Variants in DCAF6 observed in about 807,000 individuals in gnomAD.
DCAF6 encodes the protein DDB1- and CUL4-associated factor 6.
A neutral mutation model predicts 125.1 loss-of-function variants in DCAF6; 54 were observed. The observed-to-expected ratio is 0.43, with a 90% CI of 0.35 to 0.54. The LOEUF (loss-of-function observed/expected upper bound fraction) is 0.54. Among genes scored for constraint, DCAF6 ranks in the 20% least tolerant of loss-of-function variants. DCAF6 has a pLI of 0.01. For missense variants in DCAF6, 934 were observed against 1,161.7 expected, an observed-to-expected ratio of 0.80 and a Z score of 2.85; for synonymous variants, 371 against 390.4, an observed-to-expected ratio of 0.95 and a Z score of 0.58.
At chr1:168,069,770 CA>C (rs1419547714) in intron 21 of DCAF6, among the ~76,000 whole-genome samples, 1 of 152,090 alleles carries the variant, frequency 6.6e-6, no homozygotes, top group Non-Finnish European at 1.5e-5. Flanking sequence ...GGAATGTAAA[CA>C]AAAAATGTTA....
chr1:167,896,264 A>G, the DCAF6 span, among the ~76,000 whole-genome samples: 2 of 152,232 alleles, frequency 1.3e-5, no homozygotes, highest in African/African-American at 4.8e-5. Context: ...ACATTTACAG[A>G]TTACTTTTCC....
At chr1:168,015,577 GTAGT>G (rs1684857054) in intron 10 of DCAF6, among the ~76,000 whole-genome samples, 200 bp from the exon 11 acceptor site, 1 of 151,864 alleles carries the variant, frequency 6.6e-6, no homozygotes, top group Non-Finnish European at 1.5e-5. Flanking sequence ...CTAATTCATC[GTAGT>G]TAAATAGAAG....
chr1:167,960,445 C>T (rs909310003), intron 2 of DCAF6, among the ~76,000 whole-genome samples: 10 of 152,020 alleles, frequency 6.6e-5, no homozygotes, highest in Admixed American at 4.6e-4. Flanking sequence ...ATTACAGGCA[C>T]GCGCCACCAT....
the DCAF6 span, among the ~76,000 whole-genome samples, chr1:167,895,755 T>G: frequency 1.2e-4 from 18 of 152,204 alleles, no homozygotes; most frequent in African/African-American, 4.3e-4. Flanking sequence ...AGTGTCTGCT[T>G]AAGTTTTGTG....
intron 21 of DCAF6, among the ~76,000 whole-genome samples, chr1:168,074,221 A>T (rs1035351214): frequency 3.9e-5 from 6 of 152,018 alleles, no homozygotes; most frequent in African/African-American, 1.2e-4. Flanking sequence ...GGTGCTGTTG[A>T]CCTAGGATCC....
chr1:168,043,244 A>G (rs1365138602), intron 14 of DCAF6, 104 bp downstream of exon 14: 2 of 887,630 alleles, frequency 2.3e-6, no homozygotes, highest in South Asian at 1.6e-5. Flanking sequence ...TTTTTAATAA[A>G]TTACTTTTGC....
At chr1:167,870,951 T>G in the DCAF6 span, among the ~76,000 whole-genome samples, 1 of 152,148 alleles carries the variant, frequency 6.6e-6, no homozygotes, top group African/African-American at 2.4e-5. Flanking sequence ...TTAGAAGCTG[T>G]GAGAGAAAGT....
the DCAF6 span, among the ~76,000 whole-genome samples, chr1:167,908,799 A>T: frequency 6.6e-6 from 1 of 152,216 alleles, no homozygotes; most frequent in East Asian, 1.9e-4. Context: ...GAAATTTCAA[A>T]AGAATAAGTG....
chr1:168,013,841 G>GCT (rs1209669131), intron 10 of DCAF6, among the ~76,000 whole-genome samples: 1 of 152,020 alleles, frequency 6.6e-6, no homozygotes, highest in Non-Finnish European at 1.5e-5. Flanking sequence ...GACCTCCCTG[G>GCT]CTCAAGTGAT....
Position 167,975,036 on chromosome 1 carries a change from T to C in DCAF6, c.438+21T>C, listed in dbSNP as rs866418838. The C allele has an allele frequency of 1.4e-6, 2 of 1,460,128 alleles. 1 individual carries two copies. The highest frequency in any genetic ancestry group is 2.8e-5 in the African/African-American group (2 of 70,224). 90.4% of individuals were successfully genotyped at this position (1,460,128 alleles called of 1,614,324 possible). A position where few individuals can be genotyped will look rare whatever the true frequency, so the allele number is the denominator to read the frequency against. On this transcript the variant is annotated intron_variant, in intron 4 of 21. Coordinates refer to ENST00000367840, the MANE Select transcript of DCAF6 (RefSeq NM_001198956.2). ...ATGAGGTATGGTATTATTATGATTA[T>C]ATGATATATATGTAAGTATGTATAT...
the DCAF6 span, among the ~76,000 whole-genome samples, chr1:167,870,740 C>T: frequency 2.7e-5 from 4 of 149,740 alleles, no homozygotes; most frequent in South Asian, 2.1e-4. Context: ...ACCCAGGAGG[C>T]GGAGGTTGCA....
intron 21 of DCAF6, 69 bp from the exon 22 acceptor site, chr1:168,075,302 T>C: frequency 1.4e-6 from 2 of 1,415,574 alleles, no homozygotes; most frequent in Non-Finnish European, 1.9e-6. Context: ...ATAAAAGGCA[T>C]TGAAAAATAT....
Position 168,063,778 on chromosome 1 carries a change from A to AT in DCAF6, c.2439+25dup, listed in dbSNP as rs1425820904. 2.5e-6 allele frequency: 4 copies of AT among 1,591,372 alleles called. No homozygotes were observed. The Admixed American group carries it at 5.5e-5, about 22-fold the overall frequency. ...GACAATGGTACCAAATGTTCATGGC[A>AT]TTTTTTGGTGAAATTGCAGTTTCAT... On this transcript the variant is annotated intron_variant, in intron 18 of 21. Coordinates refer to ENST00000367840, the MANE Select transcript of DCAF6 (RefSeq NM_001198956.2).
intron 10 of DCAF6, among the ~76,000 whole-genome samples, chr1:168,015,180 G>A (rs1274932961): frequency 1.3e-5 from 2 of 152,052 alleles, no homozygotes; most frequent in African/African-American, 2.4e-5. Context: ...CTTTTCATCT[G>A]TGATCACTTC....
intron 4 of DCAF6, among the ~76,000 whole-genome samples, chr1:167,978,321 T>C (rs1032318855): frequency 2.6e-5 from 4 of 152,210 alleles, no homozygotes; most frequent in Non-Finnish European, 5.9e-5. Flanking sequence ...AGTAACGACT[T>C]ACATTCCCAC....
At chr1:167,898,593 C>T in the DCAF6 span, among the ~76,000 whole-genome samples, 2 of 39,112 alleles carry the variant, frequency 5.1e-5, no homozygotes, top group African/African-American at 7.3e-5. Context: ...AGCGAGACTC[C>T]GTTTTTTTTT....
chr1:167,938,102 T>G (rs73024128), intron 1 of DCAF6, among the ~76,000 whole-genome samples: 3,431 of 152,320 alleles, frequency 0.023, 95 homozygotes, highest in African/African-American at 0.06. Context: ...ATTTTGTTTA[T>G]AAAAACTCAA....
intron 7 of DCAF6, among the ~76,000 whole-genome samples, chr1:167,999,980 G>A (rs1430209587): frequency 6.6e-6 from 1 of 152,136 alleles, no homozygotes; most frequent in Non-Finnish European, 1.5e-5. Context: ...CTTTCAACAT[G>A]CTTTCCTCAC....
At chr1:167,876,804 G>A in the DCAF6 span, among the ~76,000 whole-genome samples, 2 of 152,150 alleles carry the variant, frequency 1.3e-5, no homozygotes, top group Non-Finnish European at 2.9e-5. Context: ...GAATGCTTTT[G>A]TCAATGGACT....
Sources: allele counts gnomAD v4.1 joint callset (sites outside exome capture counted in the v4.1 genomes callset), GRCh38; gene constraint gnomAD v4.1.1; transcripts MANE v1.5; gene names NCBI Gene and HGNC (gene_info 2026-07-23, HGNC 2026-07-21).